Variants in SLC25A33 observed in about 807,000 individuals in gnomAD.
The protein encoded by SLC25A33 is bone marrow stromal cell mitochondrial carrier protein.
In SLC25A33, 15 loss-of-function variants were observed where a neutral mutation model predicts 35.5. The observed-to-expected ratio is 0.42, with a 90% CI of 0.28 to 0.65. The LOEUF is 0.65. Among genes scored for constraint, SLC25A33 ranks in the 30% least tolerant of loss-of-function variants. The pLI is 0.20. For missense variants in SLC25A33, 257 were observed against 398.5 expected, an observed-to-expected ratio of 0.64 and a Z score of 3.02; for synonymous variants, 136 against 148.7, an observed-to-expected ratio of 0.91 and a Z score of 0.62.
intron 2 of SLC25A33, among the ~76,000 whole-genome samples, chr1:9,554,177 A>T (rs949827259): frequency 6.6e-6 from 1 of 152,076 alleles, no homozygotes; most frequent in Non-Finnish European, 1.5e-5. Context: ...ATTTTATTTT[A>T]TTTTATTTAT....
chr1:9,559,052 G>A (rs1053648181), intron 2 of SLC25A33, among the ~76,000 whole-genome samples: 8 of 152,058 alleles, frequency 5.3e-5, no homozygotes, highest in African/African-American at 1.9e-4. Flanking sequence ...CCCACCGCAG[G>A]GTGTTTGCAG....
intron 1 of SLC25A33, among the ~76,000 whole-genome samples, chr1:9,544,108 C>T (rs919402823): frequency 1.3e-5 from 2 of 151,788 alleles, no homozygotes; most frequent in African/African-American, 4.8e-5. Context: ...GACTCCATCT[C>T]AGAAGAAAAA....
chr1:9,540,636 T>C (rs754220884), intron 1 of SLC25A33, among the ~76,000 whole-genome samples: 1 of 152,124 alleles, frequency 6.6e-6, no homozygotes, highest in African/African-American at 2.4e-5. Flanking sequence ...TTACAGATAT[T>C]TGGAGTATTA....
intron 2 of SLC25A33, among the ~76,000 whole-genome samples, chr1:9,567,014 C>T (rs985569013): frequency 1.3e-5 from 2 of 151,160 alleles, no homozygotes; most frequent in Admixed American, 6.6e-5. Flanking sequence ...GGCAACAGAG[C>T]GAGACTCCAT....
rs570647412 is a variant in SLC25A33, at chr1:9,542,209, C to G, written c.56+2462C>G. Among the ~76,000 whole-genome samples the G allele has an allele frequency of 2.6e-5, 4 of 152,210 alleles. No homozygotes were observed. The East Asian group carries it at 5.8e-4, about 22-fold the overall frequency. On this transcript the variant is annotated intron_variant, in intron 1 of 6. Transcript: ENST00000302692. ...TGGATGGCCCTGTCTTGTTGAATCT[C>G]CCTCTGTACCCTTCCCTGTGCCCTC...
At chr1:9,561,045 AT>A (rs1643417022) in intron 2 of SLC25A33, among the ~76,000 whole-genome samples, 1 of 149,200 alleles carries the variant, frequency 6.7e-6, no homozygotes, top group Non-Finnish European at 1.5e-5. Flanking sequence ...TGTCTCCCGG[AT>A]TCAAGCGATT....
chr1:9,552,910 C>CTTTTTTTTTTTTT (rs58092940), intron 1 of SLC25A33, among the ~76,000 whole-genome samples: 2 of 94,174 alleles, frequency 2.1e-5, no homozygotes, highest in Non-Finnish European at 4.0e-5. Context: ...GGGATTTCAA[C>CTTTTTTTTTTTTT]TTTTTTTTTT....
At chr1:9,576,381 C>G (rs956036959) in intron 5 of SLC25A33, 3 of 360,182 alleles carry the variant, frequency 8.3e-6, no homozygotes, top group Non-Finnish European at 1.6e-5. Flanking sequence ...CACCCAACTC[C>G]CATCTTAAGA....
intron 5 of SLC25A33, among the ~76,000 whole-genome samples, chr1:9,577,751 A>T (rs1046166277): frequency 4.6e-5 from 7 of 152,142 alleles, no homozygotes; most frequent in Admixed American, 2.6e-4. Flanking sequence ...GACATTCAGC[A>T]TTTAAGTTTG....
chr1:9,549,256 A>G (rs1643225179), intron 1 of SLC25A33, among the ~76,000 whole-genome samples: 1 of 151,528 alleles, frequency 6.6e-6, no homozygotes, highest in African/African-American at 2.4e-5. Context: ...AAAGGCACCT[A>G]GTTCTGCCTG....
chr1:9,548,929 G>A (rs937582401), intron 1 of SLC25A33, among the ~76,000 whole-genome samples: 12 of 152,134 alleles, frequency 7.9e-5, no homozygotes, highest in Non-Finnish European at 1.6e-4. Context: ...AGAGAAGAAC[G>A]GGTTGTGGGT....
At chr1:9,560,950 CT>C (rs1236263182) in intron 2 of SLC25A33, among the ~76,000 whole-genome samples, 254 of 135,752 alleles carry the variant, frequency 1.9e-3, no homozygotes, top group Middle Eastern at 7.8e-3. Flanking sequence ...GAGACACATT[CT>C]TTTTTTTTTT....
rs1295285700 is a variant in SLC25A33 at position 9,561,194 on chromosome 1, C to T, written c.237-6090C>T. On this transcript the variant is annotated intron_variant, in intron 2 of 6. Coordinates refer to ENST00000302692, the MANE Select transcript of SLC25A33 (RefSeq NM_032315.3). ...TCCTGGCCTTGTGATCCGCCCGCTTCGGCCTCCCAAAGTGCTGGGATTACA... is the reference window on the plus strand; with the variant it reads ...TCCTGGCCTTGTGATCCGCCCGCTTTGGCCTCCCAAAGTGCTGGGATTACA... Among the ~76,000 whole-genome samples the T allele has an allele frequency of 1.3e-5, 2 of 152,244 alleles. 1 individual carries two copies. The highest frequency in any genetic ancestry group is 4.1e-4 in the South Asian group (2 of 4,830).
chr1:9,558,398 C>T (rs908123544), intron 2 of SLC25A33, among the ~76,000 whole-genome samples: 1 of 152,218 alleles, frequency 6.6e-6, no homozygotes, highest in African/African-American at 2.4e-5. Context: ...CTAGCTACTG[C>T]CACTCCTGTG....
chr1:9,541,710 T>C (rs1259586367), intron 1 of SLC25A33, among the ~76,000 whole-genome samples: 1 of 151,524 alleles, frequency 6.6e-6, no homozygotes, highest in East Asian at 1.9e-4. Context: ...TCTCACACGT[T>C]TTTTAAGCCA....
intron 1 of SLC25A33, among the ~76,000 whole-genome samples, chr1:9,549,735 C>T (rs1424360736): frequency 6.6e-6 from 1 of 150,912 alleles, no homozygotes; most frequent in Non-Finnish European, 1.5e-5. Context: ...ATTCTCCTGC[C>T]TCAGCCTCCT....
At chr1:9,573,295 TAA>T in intron 4 of SLC25A33, 49 bp from the exon 5 acceptor site, 1 of 1,310,882 alleles carries the variant, frequency 7.6e-7, no homozygotes, top group Middle Eastern at 1.9e-4. Context: ...ACATCTTTAA[TAA>T]GTATGGACTA....
intron 2 of SLC25A33, among the ~76,000 whole-genome samples, chr1:9,566,577 T>C (rs1643508872): frequency 6.6e-6 from 1 of 152,158 alleles, no homozygotes; most frequent in Non-Finnish European, 1.5e-5. Flanking sequence ...CCGGGTGTGG[T>C]GGCTCATGCC....
In SLC25A33 at chr1:9,584,808, G is replaced by T. The variant is rs1643786354; in HGVS notation, c.*2307G>T. The T allele has an allele frequency of 6.6e-6, 1 of 152,148 alleles. No homozygotes were observed. Among genetic ancestry groups the T allele is most frequent in the Non-Finnish European group, 1.5e-5 (1 of 68,048 alleles). 9.4% of individuals were successfully genotyped at this position (152,148 alleles called of 1,614,324 possible). A position where few individuals can be genotyped will look rare whatever the true frequency, so the allele number is the denominator to read the frequency against. ...TAGCTCACTGTAACCTCAAACTCCT[G>T]GGCACAAGGGATCCTCGCATCTCAG... On this transcript the variant is annotated 3_prime_UTR_variant, in exon 7 of 7. Coordinates refer to ENST00000302692, the MANE Select transcript of SLC25A33 (RefSeq NM_032315.3).
Sources: allele counts gnomAD v4.1 joint callset (sites outside exome capture counted in the v4.1 genomes callset), GRCh38; gene constraint gnomAD v4.1.1; transcripts MANE v1.5; gene names NCBI Gene and HGNC (gene_info 2026-07-23, HGNC 2026-07-21).